ULK2: variants seen among roughly 807,000 people sequenced by gnomAD.
ULK2 encodes unc-51 like autophagy activating kinase 2.
In ULK2, 76 loss-of-function variants were observed where a neutral mutation model predicts 127.5. That is an observed-to-expected ratio of 0.60 (90% confidence interval 0.50 to 0.72). The LOEUF (loss-of-function observed/expected upper bound fraction) is 0.72, where lower values mean the gene tolerates loss of function less well. ULK2 is among the 30% of genes least tolerant of loss of function. The pLI is 0.00. For synonymous variants in ULK2, 452 were observed against 461.9 expected, an observed-to-expected ratio of 0.98 and a Z score of 0.28; for missense variants, 1,144 against 1,295.9, an observed-to-expected ratio of 0.88 and a Z score of 1.80.
chr17:19,857,735 G>C (rs2042163458), intron 3 of ULK2, among the ~76,000 whole-genome samples: 2 of 152,138 alleles, frequency 1.3e-5, no homozygotes, highest in African/African-American at 4.8e-5. Context: ...TCACTCTCCT[G>C]CTTTTAAAAC....
In ULK2 at chr17:19,806,684, T is replaced by G. The variant is rs76610214; in HGVS notation, c.1158-1854A>C. Among the ~76,000 whole-genome samples, 724 of 152,310 alleles carry G rather than the reference T, an allele frequency of 4.8e-3. 24 individuals carry two copies. The East Asian group carries it at 0.088, about 19-fold the overall frequency. ...ACAACTTAATATTAACACCAATATT[T>G]AACCATCTTCAACTCCCTGAGTCCA... On this transcript the variant is annotated intron_variant, in intron 14 of 26. Coordinates refer to ENST00000395544, the MANE Select transcript of ULK2 (RefSeq NM_014683.4).
At chr17:19,794,874 C>T (rs1337556757) in intron 20 of ULK2, among the ~76,000 whole-genome samples, 3 of 151,960 alleles carry the variant, frequency 2.0e-5, no homozygotes, top group Non-Finnish European at 4.4e-5. Flanking sequence ...GTCAGGAGAT[C>T]GAGACCATCC....
chr17:19,783,713 T>C lies in ULK2; in HGVS notation c.2444A>G (p.Glu815Gly). Residue 815 changes from glutamate to glycine, a missense_variant, in exon 22 of 27, where the codon GAG becomes GGG. By Grantham distance (98) the Glu-to-Gly change is moderately conservative. Around this residue, in one of 2 missense-constraint regions of ULK2, gnomAD observed 913 missense variants for 970.5 expected, o/e 0.94. Transcript: ENST00000395544. ...CTTTTCTACCTCCATCAGCGTCTCC[T>C]CCGGCAGTTCAGGGGCTTCAAAGGT... The part of the protein sequence containing the change: ...LITFEAPELP[E>G]ETLMEREHTD... The C allele has an allele frequency of 2.6e-6, 4 of 1,551,022 alleles. No individual in the cohort carries two copies. Among genetic ancestry groups the C allele is most frequent in the Non-Finnish European group, 3.5e-6 (4 of 1,147,642 alleles).
chr17:19,781,233 C>A, intron 23 of ULK2, 129 bp from the exon 24 acceptor site: 121 of 546,480 alleles, frequency 2.2e-4, no homozygotes, highest in Non-Finnish European at 3.4e-4. Flanking sequence ...TTCTTTTCTT[C>A]TTTCTTTTCT....
intron 3 of ULK2, among the ~76,000 whole-genome samples, chr17:19,856,743 C>T (rs180876481): frequency 9.9e-5 from 15 of 151,652 alleles, no homozygotes; most frequent in African/African-American, 2.7e-4. Flanking sequence ...GTGGCCGAGG[C>T]GGGCAGATCA....
intron 13 of ULK2, among the ~76,000 whole-genome samples, chr17:19,815,630 A>C (rs2040970447): frequency 6.6e-6 from 1 of 152,230 alleles, no homozygotes; most frequent in Non-Finnish European, 1.5e-5. Flanking sequence ...CAAATATGGC[A>C]AAATATTGAC....
chr17:19,805,609 T>G (rs2087498909), intron 14 of ULK2, among the ~76,000 whole-genome samples: 1 of 152,236 alleles, frequency 6.6e-6, no homozygotes, highest in African/African-American at 2.4e-5. Flanking sequence ...GGCAATAATA[T>G]GCCCAATTAA....
intron 17 of ULK2, among the ~76,000 whole-genome samples, chr17:19,799,160 CAAAAAAAA>C (rs899604997): frequency 4.4e-5 from 3 of 68,626 alleles, no homozygotes; most frequent in East Asian, 3.6e-4. Context: ...GACTCCATTT[CAAAAAAAA>C]AAAAAAAAAG....
At chr17:19,834,892 G>C (rs1468825282) in intron 10 of ULK2, among the ~76,000 whole-genome samples, 1 of 150,438 alleles carries the variant, frequency 6.6e-6, no homozygotes, top group East Asian at 2.0e-4. Context: ...CCTGGGTGCA[G>C]AGTGAGACTC....
chr17:19,793,506 T>C (rs2087202446), intron 20 of ULK2, among the ~76,000 whole-genome samples: 1 of 152,168 alleles, frequency 6.6e-6, no homozygotes, highest in African/African-American at 2.4e-5. Flanking sequence ...TAAGTCAAAC[T>C]GGACCACAGA....
intron 17 of ULK2, among the ~76,000 whole-genome samples, chr17:19,798,872 GTATTAATCA>G (rs2037277878): frequency 6.6e-6 from 1 of 151,940 alleles, no homozygotes; most frequent in African/African-American, 2.4e-5. Flanking sequence ...ACCAAAAATG[GTATTAATCA>G]GCCGGGCATG....
At chr17:19,824,990 AC>A in intron 12 of ULK2, 103 bp downstream of exon 12, 1 of 1,113,430 alleles carries the variant, frequency 9.0e-7, no homozygotes, top group Non-Finnish European at 1.3e-6. Context: ...ACATTAGTAA[AC>A]ATTACACATA....
chr17:19,806,037 A>T (rs1204720082), intron 14 of ULK2, among the ~76,000 whole-genome samples: 3 of 152,106 alleles, frequency 2.0e-5, no homozygotes, highest in Non-Finnish European at 4.4e-5. Context: ...TACACATCTG[A>T]TTCTTCAGTT....
At chr17:19,786,762 A>C (rs1044082291) in intron 20 of ULK2, among the ~76,000 whole-genome samples, 1 of 151,986 alleles carries the variant, frequency 6.6e-6, no homozygotes, top group Admixed American at 6.6e-5. Flanking sequence ...AGACATTCCC[A>C]AATAAACAGA....
intron 9 of ULK2, 142 bp from the exon 10 acceptor site, chr17:19,838,725 G>A (rs2041659295): frequency 1.5e-6 from 1 of 676,962 alleles, no homozygotes; most frequent in African/African-American, 1.8e-5. Context: ...CCATGTAAGA[G>A]TCATCTAAAG....
At chr17:19,797,758 T>A in intron 17 of ULK2, 76 bp from the exon 18 acceptor site, 1 of 1,278,446 alleles carries the variant, frequency 7.8e-7, no homozygotes, top group South Asian at 2.2e-5. Context: ...AAGAAGACAA[T>A]TTTTAAAATG....
intron 10 of ULK2, among the ~76,000 whole-genome samples, chr17:19,830,243 T>C (rs1325841350): frequency 6.6e-6 from 1 of 152,140 alleles, no homozygotes; most frequent in Non-Finnish European, 1.5e-5. Context: ...CTCTGTTTTT[T>C]CAGGCTGGAA....
intron 12 of ULK2, 120 bp downstream of exon 12, chr17:19,824,974 T>C: frequency 1.0e-6 from 1 of 979,338 alleles, no homozygotes; most frequent in Non-Finnish European, 1.5e-6. Flanking sequence ...CCCCCAAATC[T>C]CAGCTACATT....
At position 19,797,486 on chromosome 17, in the gene ULK2, A is replaced by C. The variant is rs766894638; in HGVS notation, c.1719T>G (p.Thr573=). ...PQPSRPGSLG[T]SPTKHLGSSP... is the part of the protein sequence containing the mutation. ...AGGACCCCAAGTGCTTGGTGGGAGA[A>C]GTTCCAAGGCTGCCAGGCCGACTGG... The change falls in exon 18 of 27, where the codon ACT becomes ACG. Residue 573 remains threonine, a synonymous_variant. Coordinates refer to ENST00000395544, the MANE Select transcript of ULK2 (RefSeq NM_014683.4). 1 of 1,613,976 alleles carries C rather than the reference A, an allele frequency of 6.2e-7. No homozygotes were observed. The highest frequency in any genetic ancestry group is 8.5e-7 in the Non-Finnish European group (1 of 1,179,982).
Sources: allele counts gnomAD v4.1 joint callset (sites outside exome capture counted in the v4.1 genomes callset), GRCh38; gene constraint gnomAD v4.1.1; regional missense constraint gnomAD v4.1.1; transcripts MANE v1.5; gene names NCBI Gene and HGNC (gene_info 2026-07-23, HGNC 2026-07-21).